Variants in ITGA7 observed in about 807,000 individuals in gnomAD.
ITGA7 encodes integrin alpha-7.
ITGA7 carries 84 observed loss-of-function variants against 131.6 expected under a neutral mutation model. The observed-to-expected ratio is 0.64, with a 90% CI of 0.54 to 0.77. The LOEUF (loss-of-function observed/expected upper bound fraction) is 0.77. ITGA7 is among the 30% of genes least tolerant of loss of function. The probability of loss-of-function intolerance (pLI) is 0.00; values close to 1 mark genes in which losing one functional copy is unlikely to be tolerated. For missense variants in ITGA7, 1,399 were observed against 1,482.9 expected (o/e 0.94, Z 0.93); for synonymous variants, 548 against 600.7 (o/e 0.91, Z 1.28).
Position 55,703,124 on chromosome 12 carries a change from G to A in ITGA7, c.261C>T (p.Arg87=), listed in dbSNP as rs146844847. 11 of 1,613,588 alleles carry A rather than the reference G, an allele frequency of 6.8e-6. No homozygotes were observed. The highest frequency in any genetic ancestry group is 4.0e-5 in the African/African-American group (3 of 74,934). ...ACGGGCAAGCGAAGAGGCCTCCAGT[G>A]CGATTCGCCTGCTGCCCAGGAAGAG... ...ALALPGQQAN[R]TGGLFACPLS... Residue 87 remains arginine, a synonymous_variant, in exon 2 of 25, where the codon CGC becomes CGT. Transcript: ENST00000257879.
chr12:55,709,082 T>C (rs1414969324), upstream of ITGA7, among the ~76,000 whole-genome samples: 2 of 152,202 alleles, frequency 1.3e-5, no homozygotes, highest in African/African-American at 4.8e-5. Flanking sequence ...CTTGTGAATA[T>C]ACATCTGTCC....
In ITGA7 at chr12:55,685,235, A is replaced by G. The variant is rs756477823; in HGVS notation, c.3237T>C (p.His1079=). 2.5e-6 allele frequency: 4 copies of G among 1,614,036 alleles called. No individual in the cohort carries two copies. The Admixed American group carries it at 5.0e-5, about 20-fold the overall frequency. ...KHPEATVPQY[H]AVKIPREDRQ... is the part of the protein sequence containing the mutation. ...GGTCTTCCCGAGGAATCTTCACCGC[A>G]TGGTACTGGGGCACGGTGGCCTCGG... The change falls in exon 25 of 25, where the codon CAT becomes CAC. Residue 1079 remains histidine, a synonymous_variant. Transcript: ENST00000257879.
intron 22 of ITGA7, 69 bp downstream of exon 22, chr12:55,688,775 G>T: frequency 8.7e-7 from 1 of 1,155,722 alleles, no homozygotes; most frequent in Non-Finnish European, 1.3e-6. Context: ...GGAAGGAGGA[G>T]GAGAAATGAG....
Position 55,698,884 on chromosome 12 carries a change from C to G in ITGA7, c.824G>C (p.Arg275Pro), listed in dbSNP as rs74867235. Residue 275 changes from arginine (R) to proline (P), a missense_variant, in exon 6 of 25, where the codon CGT becomes CCT. Coordinates refer to ENST00000257879, the MANE Select transcript of ITGA7 (RefSeq NM_002206.3). Reference sequence around the variant, plus strand: ...AGCCACAAAGCTCAGCTCTTCTGCACGCACCAGACCTTTCCCCGAGTCAAT... The same window carrying G: ...AGCCACAAAGCTCAGCTCTTCTGCAGGCACCAGACCTTTCCCCGAGTCAAT... ...FSIDSGKGLV[R>P]AEELSFVAGA... 3.1e-6 allele frequency: 5 copies of G among 1,613,486 alleles called. No individual in the cohort carries two copies. Among genetic ancestry groups the G allele is most frequent in the Middle Eastern group, 1.6e-4 (1 of 6,062 alleles).
At chr12:55,698,250 G>C in intron 7 of ITGA7, 133 bp downstream of exon 7, 1 of 941,252 alleles carries the variant, frequency 1.1e-6, no homozygotes, top group Non-Finnish European at 1.6e-6. Flanking sequence ...GCTGGTAAAT[G>C]GTACAGCTCA....
upstream of ITGA7, among the ~76,000 whole-genome samples, chr12:55,712,772 G>A (rs1363471741): frequency 6.6e-6 from 1 of 152,158 alleles, no homozygotes; most frequent in Non-Finnish European, 1.5e-5. Flanking sequence ...AGAACAGATG[G>A]AGGATAACCC....
chr12:55,695,903 T>C (rs1006367538), intron 13 of ITGA7, among the ~76,000 whole-genome samples: 2 of 151,964 alleles, frequency 1.3e-5, no homozygotes, highest in African/African-American at 4.8e-5. Context: ...CTCACATGCA[T>C]GTAACTGAGT....
Position 55,697,823 on chromosome 12 carries a change from C to T in ITGA7, c.1282-1G>A. 1 of 1,614,142 alleles carries T rather than the reference C, an allele frequency of 6.2e-7. No individual in the cohort carries two copies. Among genetic ancestry groups the T allele is most frequent in the Non-Finnish European group, 8.5e-7 (1 of 1,180,010 alleles). On this transcript the variant is annotated splice_acceptor_variant, in intron 8 of 24. Coordinates refer to ENST00000257879, the MANE Select transcript of ITGA7 (RefSeq NM_002206.3). LOFTEE classifies it high-confidence loss of function. ...TGCCCACAGCCTCGCCCTCCAGCAC[C>T]TAGAGAACCAGCTGTCAGCCTCCCT...
At chr12:55,712,745 A>G (rs901820059), upstream of ITGA7, among the ~76,000 whole-genome samples, 11 of 152,306 alleles carry the variant, frequency 7.2e-5, no homozygotes, top group African/African-American at 2.4e-4. Flanking sequence ...GACAGTGAAC[A>G]ATAAAGGCCC....
In ITGA7 at chr12:55,684,872, C is replaced by T. The variant is rs1021354145; in HGVS notation, c.*186G>A. 5 of 600,886 alleles carry T rather than the reference C, an allele frequency of 8.3e-6. No homozygotes were observed. The Admixed American group carries it at 1.5e-4, about 18-fold the overall frequency. The allele number at this position is 600,886 out of a possible 1,614,324, so 37.2% of individuals were successfully genotyped here. The stretch of plus-strand genomic sequence containing the variant: ...CCCTGATTTACCCACTCTCATCTCA[C>T]AGCACTCTAAGGGGAAGTTGGGTGG... On this transcript the variant is annotated 3_prime_UTR_variant, in exon 25 of 25. Transcript: ENST00000257879.
chr12:55,693,835 G>C (rs1471916526), intron 19 of ITGA7, among the ~76,000 whole-genome samples, 186 bp downstream of exon 19: 1 of 152,158 alleles, frequency 6.6e-6, no homozygotes, highest in Non-Finnish European at 1.5e-5. Context: ...AGAATGACCA[G>C]GAAATGGTCA....
chr12:55,695,255 C>A (rs138357077), intron 14 of ITGA7: 3 of 597,334 alleles, frequency 5.0e-6, no homozygotes, highest in South Asian at 4.0e-5. Flanking sequence ...TCCTACCTCA[C>A]AGAGGTTTGA....
In ITGA7 at chr12:55,690,461, G is replaced by A. The variant is rs1469829220; in HGVS notation, c.2845-1504C>T. ...CAGTTAGAATGGCAATCATTAAAAA[G>A]TCAGGAAACAACAGGTGCTGGAGAG... On this transcript the variant is annotated intron_variant, in intron 21 of 24. Transcript: ENST00000257879. 6.8e-5 allele frequency among the ~76,000 whole-genome samples: 10 copies of A among 147,014 alleles called. No homozygotes were observed. The East Asian group carries it at 1.6e-3, about 24-fold the overall frequency.
At chr12:55,716,070 G>A (rs753785870), upstream of ITGA7, 25 of 1,568,530 alleles carry the variant, frequency 1.6e-5, no homozygotes, top group Non-Finnish European at 2.2e-5. Flanking sequence ...GGGGAGCCGA[G>A]GTGAGCGTTC....
rs776700798 is a variant in ITGA7 at position 55,695,634 on chromosome 12, G to A, written c.1891C>T (p.His631Tyr). 1 of 1,611,772 alleles carries A rather than the reference G, an allele frequency of 6.2e-7. No homozygotes were observed. The highest frequency in any genetic ancestry group is 8.5e-7 in the Non-Finnish European group (1 of 1,177,844). ...HQPSTQRAEI[H>Y]FLKQGCGEDK... ...TCACCACAGCCTTGCTTCAGGAAGT[G>A]GATCTGGGGAGAGACATGAGATAAG... Residue 631 changes from histidine to tyrosine, a missense_variant, in exon 14 of 25, where the codon CAC becomes TAC. Physicochemically the swap from His to Tyr is moderately conservative, Grantham distance 83 (BLOSUM62 2). Coordinates refer to ENST00000257879, the MANE Select transcript of ITGA7 (RefSeq NM_002206.3).
At chr12:55,710,013 T>C (rs1043367342), upstream of ITGA7, among the ~76,000 whole-genome samples, 2 of 151,998 alleles carry the variant, frequency 1.3e-5, no homozygotes, top group African/African-American at 4.8e-5. Context: ...CAAGGAGAAA[T>C]GAGACCAGAA....
chr12:55,686,265 T>TAGTTG, intron 24 of ITGA7: 1 of 1,348,444 alleles, frequency 7.4e-7, no homozygotes. Flanking sequence ...GGCCCGGTGA[T>TAGTTG]AGTTGGTGGG....
chr12:55,714,869 T>TC, upstream of ITGA7, among the ~76,000 whole-genome samples: 1 of 145,452 alleles, frequency 6.9e-6, no homozygotes, highest in South Asian at 2.2e-4. Flanking sequence ...GCTTTTTTTT[T>TC]TTTTTTTTTG....
At chr12:55,702,214 C>T (rs1340766190) in intron 3 of ITGA7, among the ~76,000 whole-genome samples, 1 of 150,002 alleles carries the variant, frequency 6.7e-6, no homozygotes, top group Admixed American at 6.7e-5. Flanking sequence ...GAGTCTCGCT[C>T]TGTCACCCAG....
Sources: allele counts gnomAD v4.1 joint callset (sites outside exome capture counted in the v4.1 genomes callset), GRCh38; gene constraint gnomAD v4.1.1; transcripts MANE v1.5; gene names NCBI Gene and HGNC (gene_info 2026-07-23, HGNC 2026-07-21).